The following LRFN2 variants were observed in gnomAD, a reference collection of about 807,000 sequenced individuals.
LRFN2 encodes leucine-rich repeat and fibronectin type-III domain-containing protein 2.
Under a neutral mutation model 37.3 loss-of-function variants are expected in LRFN2, and 18 were observed. That is an observed-to-expected ratio of 0.48 (90% confidence interval 0.33 to 0.72). LRFN2 has a LOEUF of 0.72. Among genes scored for constraint, LRFN2 ranks in the 30% least tolerant of loss-of-function variants. The pLI, the probability that LRFN2 is intolerant of heterozygous loss-of-function variation, is 0.02. For synonymous variants in LRFN2, 556 were observed against 466.6 expected (o/e 1.19, Z -2.47); for missense variants, 1,006 against 1,060.7 (o/e 0.95, Z 0.72).
intron 1 of LRFN2, among the ~76,000 whole-genome samples, chr6:40,439,317 A>G (rs1377806688): frequency 6.6e-6 from 1 of 152,164 alleles, no homozygotes; most frequent in African/African-American, 2.4e-5. Context: ...GTGTGAATTA[A>G]TAAGAGTGGG....
chr6:40,544,507 G>A (rs1406222846), intron 1 of LRFN2, among the ~76,000 whole-genome samples: 26 of 152,108 alleles, frequency 1.7e-4, no homozygotes, highest in Admixed American at 1.5e-3. Flanking sequence ...GTACTTGAGC[G>A]GCCACAGACG....
intron 1 of LRFN2, among the ~76,000 whole-genome samples, chr6:40,520,411 G>A (rs1766026920): frequency 6.6e-6 from 1 of 152,096 alleles, no homozygotes. Flanking sequence ...GAACATGGGA[G>A]GCGGGTCATT....
intron 2 of LRFN2, among the ~76,000 whole-genome samples, chr6:40,399,818 A>C (rs1481956405): frequency 6.6e-6 from 1 of 151,860 alleles, no homozygotes; most frequent in Admixed American, 6.6e-5. Context: ...TAACCCTTAC[A>C]TTGTTGAAAA....
intron 1 of LRFN2, among the ~76,000 whole-genome samples, chr6:40,562,831 T>TCACA (rs71543995): frequency 0.12 from 16,803 of 143,630 alleles, 998 homozygotes; most frequent in Middle Eastern, 0.21. Flanking sequence ...GTGCGTGCAC[T>TCACA]CACTCACACA....
chr6:40,417,339 C>T (rs1040308492), intron 2 of LRFN2, among the ~76,000 whole-genome samples: 2 of 152,186 alleles, frequency 1.3e-5, no homozygotes, highest in Non-Finnish European at 2.9e-5. Flanking sequence ...CCCGACCTGT[C>T]CACGCACACC....
At chr6:40,526,749 GCACACC>G (rs1274993713) in intron 1 of LRFN2, among the ~76,000 whole-genome samples, 1 of 152,074 alleles carries the variant, frequency 6.6e-6, no homozygotes, top group Non-Finnish European at 1.5e-5. Flanking sequence ...TCTTGTCCCT[GCACACC>G]CACCACCTCA....
At chr6:40,583,213 C>CAT (rs56833551) in intron 1 of LRFN2, among the ~76,000 whole-genome samples, 1 of 143,724 alleles carries the variant, frequency 7.0e-6, no homozygotes, top group African/African-American at 2.7e-5. Flanking sequence ...TATATATACA[C>CAT]TATATACATA....
At chr6:40,496,188 C>T (rs377148316) in intron 1 of LRFN2, among the ~76,000 whole-genome samples, 1 of 152,116 alleles carries the variant, frequency 6.6e-6, no homozygotes, top group African/African-American at 2.4e-5. Flanking sequence ...CGAATCCAAC[C>T]CCTTCTTACC....
chr6:40,540,737 C>T (rs1004529169), intron 1 of LRFN2, among the ~76,000 whole-genome samples: 3 of 152,318 alleles, frequency 2.0e-5, no homozygotes, highest in Middle Eastern at 3.4e-3. Context: ...GGGCAACTCA[C>T]CCAGCGGTGG....
intron 1 of LRFN2, among the ~76,000 whole-genome samples, chr6:40,508,451 G>C (rs1302960096): frequency 6.6e-6 from 1 of 152,118 alleles, no homozygotes; most frequent in Non-Finnish European, 1.5e-5. Context: ...GGGTGGTGGG[G>C]GGGATCCACC....
rs1346657412 is a variant in LRFN2 at position 40,481,861 on chromosome 6, G to A, written c.-18-48730C>T. 2.0e-5 allele frequency among the ~76,000 whole-genome samples: 3 copies of A among 152,206 alleles called. No homozygotes were observed. The South Asian group carries it at 6.2e-4, about 32-fold the overall frequency. ...AAAGCCTCAGTTTCACAGCCCTAAAGTTGAAGATTGCTGAAATGCTATAGC... is the reference window on the plus strand; with the variant it reads ...AAAGCCTCAGTTTCACAGCCCTAAAATTGAAGATTGCTGAAATGCTATAGC... On this transcript the variant is annotated intron_variant, in intron 1 of 2. Coordinates refer to ENST00000338305, the MANE Select transcript of LRFN2 (RefSeq NM_020737.3).
Position 40,392,239 on chromosome 6 carries a change from G to A in LRFN2, c.2074C>T (p.His692Tyr), listed in dbSNP as rs1284264472. ...CCCAGCAGTGGCTCTCGGTCCGAGT[G>A]GTGGCCCCGGGCCGACGTCCCAGCC... ...RGAGTSARGH[H>Y]SDREPLLGPP... Residue 692 changes from histidine (H) to tyrosine (Y), a missense_variant, in exon 3 of 3, where the codon CAC becomes TAC. Physicochemically the swap from His to Tyr is moderately conservative, Grantham distance 83. This residue lies in a region of LRFN2 where 398 missense variants were observed against 327.6 expected (regional missense o/e 1.21). Coordinates refer to ENST00000338305, the MANE Select transcript of LRFN2 (RefSeq NM_020737.3). This position sits in a 1 kb window ranked among gnomAD's most constrained non-coding sequence, Gnocchi z 4.7. The A allele has an allele frequency of 6.4e-7, 1 of 1,573,318 alleles. No homozygotes were observed. Among genetic ancestry groups the A allele is most frequent in the South Asian group, 1.2e-5 (1 of 83,598 alleles).
At chr6:40,436,813 G>A (rs369237841) in intron 1 of LRFN2, among the ~76,000 whole-genome samples, 1 of 152,146 alleles carries the variant, frequency 6.6e-6, no homozygotes, top group African/African-American at 2.4e-5. Context: ...ATTGAGTCTT[G>A]AGTTTTCTAG....
rs745878566 is a variant in LRFN2, at chr6:40,392,256, G to A, written c.2057C>T (p.Thr686Met). ...GTCCGAGTGGTGGCCCCGGGCCGAC[G>A]TCCCAGCCCCTCTCCCGGCTGGAGT... ...SRTPAGRGAG[T>M]SARGHHSDRE... Residue 686 changes from threonine (T) to methionine (M), a missense_variant, in exon 3 of 3, where the codon ACG becomes ATG. Transcript: ENST00000338305. The surrounding 1 kb of genome is among the most constrained non-coding windows in gnomAD (Gnocchi z 4.7). 5 of 1,587,884 alleles carry A rather than the reference G, an allele frequency of 3.1e-6. No homozygotes were observed. The highest frequency in any genetic ancestry group is 2.7e-5 in the African/African-American group (2 of 74,344).
intron 2 of LRFN2, among the ~76,000 whole-genome samples, chr6:40,413,019 C>T (rs976308851): frequency 6.6e-6 from 1 of 152,088 alleles, no homozygotes; most frequent in African/African-American, 2.4e-5. Flanking sequence ...CCAGCACTGC[C>T]GTGTTCCAGA....
Position 40,391,862 on chromosome 6 carries a change from A to C in LRFN2, c.*81T>G, listed in dbSNP as rs140292085. 1 of 1,397,730 alleles carries C rather than the reference A, an allele frequency of 7.2e-7. No homozygotes were observed. Among genetic ancestry groups the C allele is most frequent in the African/African-American group, 1.5e-5 (1 of 67,452 alleles). 86.6% of individuals were successfully genotyped at this position (1,397,730 alleles called of 1,614,324 possible). A position where few individuals can be genotyped will look rare whatever the true frequency, so the allele number is the denominator to read the frequency against. The stretch of plus-strand genomic sequence containing the variant: ...TCCCTGGATGTAAACATCACCATGG[A>C]AACTCCACAAACACTTGCCAGTGAG... On this transcript the variant is annotated 3_prime_UTR_variant, in exon 3 of 3. Coordinates refer to ENST00000338305, the MANE Select transcript of LRFN2 (RefSeq NM_020737.3).
intron 1 of LRFN2, among the ~76,000 whole-genome samples, chr6:40,560,982 A>G (rs893113234): frequency 9.9e-5 from 15 of 152,164 alleles, no homozygotes; most frequent in Non-Finnish European, 5.9e-5. Context: ...AAATATGTGG[A>G]GTGTCCATCT....
At chr6:40,477,572 C>A (rs369635526) in intron 1 of LRFN2, among the ~76,000 whole-genome samples, 1 of 152,184 alleles carries the variant, frequency 6.6e-6, no homozygotes, top group Non-Finnish European at 1.5e-5. Context: ...TCCAGAATGG[C>A]GCTGAGTGCA....
At position 40,510,059 on chromosome 6, in the gene LRFN2, T is replaced by C. The variant is rs191618778; in HGVS notation, c.-19+76882A>G. ...AACACTGCTGTGCAGGTAGGAGAGC[T>C]GAGTGCATGCATGTGGGTATGCCAC... On this transcript the variant is annotated intron_variant, in intron 1 of 2. Coordinates refer to ENST00000338305, the MANE Select transcript of LRFN2 (RefSeq NM_020737.3). 2.7e-5 allele frequency among the ~76,000 whole-genome samples: 4 copies of C among 148,428 alleles called. No homozygotes were observed. In the East Asian group the frequency reaches 8.1e-4, roughly 30 times the overall value.
Sources: gnomAD v4.1 joint callset for allele counts (sites outside exome capture counted in the v4.1 genomes callset) on GRCh38, gnomAD v4.1.1 for gene constraint, gnomAD v4.1.1 regional missense constraint, Gnocchi (gnomAD v3.1) non-coding constraint, MANE v1.5 for transcripts, NCBI Gene and HGNC (gene_info 2026-07-23, HGNC 2026-07-21) for gene names.